The following BMAL2 variants were observed in gnomAD, a reference collection of about 807,000 sequenced individuals.
BMAL2 encodes the protein basic helix-loop-helix ARNT-like protein 2.
chr12:27,348,343 A>G, the BMAL2 span, among the ~76,000 whole-genome samples: 2 of 152,220 alleles, frequency 1.3e-5, no homozygotes, highest in African/African-American at 4.8e-5. Flanking sequence ...TGCACATGGC[A>G]TACTTTGGGG....
chr12:27,361,739 A>G, the BMAL2 span, among the ~76,000 whole-genome samples: 1 of 152,130 alleles, frequency 6.6e-6, no homozygotes, highest in Non-Finnish European at 1.5e-5. Context: ...CAAAGAACAG[A>G]TCCTTTCAGC....
the BMAL2 span, among the ~76,000 whole-genome samples, chr12:27,419,132 A>T: frequency 6.6e-6 from 1 of 152,244 alleles, no homozygotes; most frequent in East Asian, 1.9e-4. Flanking sequence ...CCGAGAATTC[A>T]TAAAGGATAG....
At chr12:27,390,112 C>T in the BMAL2 span, 2 of 1,613,682 alleles carry the variant, frequency 1.2e-6, no homozygotes, top group Non-Finnish European at 1.7e-6. Context: ...TGCAAGTTCA[C>T]AGTAATCTCC....
At chr12:27,356,649 A>G in the BMAL2 span, among the ~76,000 whole-genome samples, 1 of 152,174 alleles carries the variant, frequency 6.6e-6, no homozygotes, top group Non-Finnish European at 1.5e-5. Context: ...TCCTAGTAAC[A>G]TTTTATTATG....
the BMAL2 span, among the ~76,000 whole-genome samples, chr12:27,399,069 T>G: frequency 3.3e-5 from 5 of 152,126 alleles, no homozygotes; most frequent in Admixed American, 3.3e-4. Context: ...GGGTTTGGGT[T>G]GGAAGAGGTA....
chr12:27,341,940 A>AT, the BMAL2 span, among the ~76,000 whole-genome samples: 38 of 151,708 alleles, frequency 2.5e-4, no homozygotes, highest in Non-Finnish European at 3.8e-4. Context: ...GTTTTTATTT[A>AT]TTTTTTTTAT....
chr12:27,348,274 G>A, the BMAL2 span, among the ~76,000 whole-genome samples: 1 of 152,010 alleles, frequency 6.6e-6, no homozygotes, highest in Non-Finnish European at 1.5e-5. Context: ...TCTCTCTTTG[G>A]CTTTTTTGTT....
At chr12:27,409,041 T>C in the BMAL2 span, among the ~76,000 whole-genome samples, 1 of 152,170 alleles carries the variant, frequency 6.6e-6, no homozygotes, top group Non-Finnish European at 1.5e-5. Context: ...TTACAAGGGA[T>C]GTGAAGGACC....
At chr12:27,400,141 A>G in the BMAL2 span, among the ~76,000 whole-genome samples, 2 of 152,160 alleles carry the variant, frequency 1.3e-5, no homozygotes, top group Non-Finnish European at 2.9e-5. Context: ...ATAAGTTACG[A>G]TATACCAAAA....
the BMAL2 span, among the ~76,000 whole-genome samples, chr12:27,409,791 A>G: frequency 3.9e-5 from 6 of 152,158 alleles, no homozygotes; most frequent in South Asian, 4.1e-4. Flanking sequence ...AGAAACTACC[A>G]TCAGAGTGAA....
At chr12:27,404,476 G>T in the BMAL2 span, among the ~76,000 whole-genome samples, 17 of 152,090 alleles carry the variant, frequency 1.1e-4, no homozygotes, top group African/African-American at 3.9e-4. Context: ...AGGTAGAAAT[G>T]AATTAAACAT....
the BMAL2 span, among the ~76,000 whole-genome samples, chr12:27,408,850 G>A: frequency 6.6e-6 from 1 of 152,196 alleles, no homozygotes; most frequent in South Asian, 2.1e-4. Context: ...AAACCCCATT[G>A]TCTCAGCCCA....
At chr12:27,413,874 A>G in the BMAL2 span, among the ~76,000 whole-genome samples, 1 of 152,176 alleles carries the variant, frequency 6.6e-6, no homozygotes, top group South Asian at 2.1e-4. Flanking sequence ...AATAGATGTT[A>G]AGTCAAAAAC....
chr12:27,339,005 A>C, the BMAL2 span, among the ~76,000 whole-genome samples: 1 of 152,166 alleles, frequency 6.6e-6, no homozygotes, highest in Admixed American at 6.5e-5. Flanking sequence ...CAGGTTTGTT[A>C]TATGGGTAAA....
chr12:27,350,984 CCCA>C, the BMAL2 span, among the ~76,000 whole-genome samples: 2 of 86,516 alleles, frequency 2.3e-5, no homozygotes, highest in Non-Finnish European at 4.3e-5. Flanking sequence ...CCAGACCCCA[CCCA>C]CCCCCCCTTT....
At chr12:27,418,671 C>T in the BMAL2 span, among the ~76,000 whole-genome samples, 2 of 150,712 alleles carry the variant, frequency 1.3e-5, no homozygotes, top group Non-Finnish European at 3.0e-5. Flanking sequence ...AATAATTGTA[C>T]TCAATCTTAA....
chr12:27,380,204 C>T, the BMAL2 span: 1 of 1,595,224 alleles, frequency 6.3e-7, no homozygotes, highest in Non-Finnish European at 8.6e-7. Flanking sequence ...GACTGGGGGT[C>T]TGCTGAATGT....
chr12:27,408,435 C>G, the BMAL2 span, among the ~76,000 whole-genome samples: 6 of 152,168 alleles, frequency 3.9e-5, no homozygotes, highest in African/African-American at 1.4e-4. Flanking sequence ...AAGGCTGGTT[C>G]AACATACGCA....
At chr12:27,423,346 T>C in the BMAL2 span, 1 of 134,444 alleles carries the variant, frequency 7.4e-6, no homozygotes, top group Non-Finnish European at 1.6e-5. Context: ...TTTTTTTTTT[T>C]TGAGATGGAG....
Sources: allele counts gnomAD v4.1 joint callset (sites outside exome capture counted in the v4.1 genomes callset), GRCh38; gene constraint gnomAD v4.1.1; transcripts MANE v1.5; gene names NCBI Gene and HGNC (gene_info 2026-07-23, HGNC 2026-07-21).